The following SVOPL variants were observed in gnomAD, a reference collection of about 807,000 sequenced individuals.
The protein encoded by SVOPL is putative transporter SVOPL.
In SVOPL, 60 loss-of-function variants were observed where a neutral mutation model predicts 61.0. The ratio of observed to expected loss-of-function variants is 0.98; its 90% CI spans 0.80 to 1.22. SVOPL has a LOEUF of 1.22. Among genes scored for constraint, SVOPL ranks in the 50% most tolerant of loss-of-function variants. The pLI is 0.00. For missense variants in SVOPL, 662 were observed against 643.9 expected (o/e 1.03, Z -0.30); for synonymous variants, 279 against 250.0 (o/e 1.12, Z -1.09).
rs916917590 is a variant in SVOPL at position 138,642,686 on chromosome 7, G to A, written c.789+2031C>T. Among the ~76,000 whole-genome samples the A allele has an allele frequency of 1.3e-4, 20 of 151,586 alleles. 1 individual carries two copies. Among genetic ancestry groups the A allele is most frequent in the Admixed American group, 2.6e-4 (4 of 15,190 alleles). ...CTACAAAAAACACAAAAAATTAGCC[G>A]GGTGTTGGTGGCTCGCACTGATAGT... On this transcript the variant is annotated intron_variant, in intron 9 of 15. Coordinates refer to ENST00000674285, the MANE Select transcript of SVOPL (RefSeq NM_001139456.2).
intron 14 of SVOPL, among the ~76,000 whole-genome samples, chr7:138,612,821 G>A (rs1206368884): frequency 1.3e-5 from 2 of 150,514 alleles, no homozygotes; most frequent in Non-Finnish European, 3.0e-5. Flanking sequence ...GGCCAGAAAT[G>A]TAAATTTTTT....
rs139751592 is a variant in SVOPL, at chr7:138,621,247, C to T, written c.1264-112G>A. 55 of 736,326 alleles carry T rather than the reference C, an allele frequency of 7.5e-5. No individual in the cohort carries two copies. In the African/African-American group the frequency reaches 8.8e-4, roughly 12 times the overall value. 45.6% of individuals were successfully genotyped at this position (736,326 alleles called of 1,614,324 possible). A position where few individuals can be genotyped will look rare whatever the true frequency, so the allele number is the denominator to read the frequency against. On this transcript the variant is annotated intron_variant, in intron 13 of 15. Transcript: ENST00000674285. ...TTTGGAATGCATAGAGCACCAAACACAGTTACAGAATATGGAATAGAAGGT... is the reference window on the plus strand; with the variant it reads ...TTTGGAATGCATAGAGCACCAAACATAGTTACAGAATATGGAATAGAAGGT...
chr7:138,633,157 T>C (rs982356645), intron 9 of SVOPL, among the ~76,000 whole-genome samples: 1 of 152,172 alleles, frequency 6.6e-6, no homozygotes, highest in African/African-American at 2.4e-5. Context: ...TCCAAACCCA[T>C]GAGAGTGTAT....
chr7:138,615,560 CAA>C (rs770404185), intron 14 of SVOPL, among the ~76,000 whole-genome samples: 4 of 5,542 alleles, frequency 7.2e-4, no homozygotes, highest in African/African-American at 1.3e-3. Flanking sequence ...ACTCCGTCTC[CAA>C]AAAAAAAAAA....
intron 6 of SVOPL, 75 bp downstream of exon 6, chr7:138,659,789 A>C: frequency 7.1e-7 from 1 of 1,400,132 alleles, no homozygotes; most frequent in South Asian, 1.3e-5. Flanking sequence ...TTGGTCTATT[A>C]AGCGCAGTGT....
chr7:138,634,949 G>A (rs1472018281), intron 9 of SVOPL, among the ~76,000 whole-genome samples: 7 of 152,110 alleles, frequency 4.6e-5, no homozygotes, highest in Non-Finnish European at 1.0e-4. Context: ...GGGTGACAGA[G>A]CGAGAACCTG....
intron 3 of SVOPL, among the ~76,000 whole-genome samples, chr7:138,677,252 G>A (rs949708413): frequency 1.3e-5 from 2 of 152,070 alleles, no homozygotes; most frequent in Non-Finnish European, 2.9e-5. Flanking sequence ...AGAGCCCAGA[G>A]CCTGAGGTCA....
intron 9 of SVOPL, among the ~76,000 whole-genome samples, chr7:138,635,484 T>TG (rs1471477139): frequency 6.6e-6 from 1 of 151,798 alleles, no homozygotes; most frequent in African/African-American, 2.4e-5. Flanking sequence ...GCAACCCTCC[T>TG]GCCCCAGCCT....
intron 9 of SVOPL, among the ~76,000 whole-genome samples, chr7:138,637,256 C>T (rs570806517): frequency 1.3e-5 from 2 of 151,760 alleles, no homozygotes; most frequent in African/African-American, 4.8e-5. Flanking sequence ...GGTGAAACCC[C>T]AACTCTACTA....
At chr7:138,596,846 C>G (rs574746678) in intron 14 of SVOPL, 12 of 1,105,078 alleles carry the variant, frequency 1.1e-5, no homozygotes, top group African/African-American at 6.6e-5. Flanking sequence ...TTCCCCACCC[C>G]CTTTCTCATA....
rs749033029 is a variant in SVOPL, at chr7:138,678,534, G to A, written c.83-9C>T. ...GGTGAACGTCTTTGGCTCTAACAAC[G>A]AAAGACAAAGTGGAAAAAATTGCTT... On this transcript the variant is annotated splice_polypyrimidine_tract_variant and intron_variant, in intron 2 of 15. Transcript: ENST00000674285. The A allele has an allele frequency of 9.7e-6, 15 of 1,551,488 alleles. No homozygotes were observed. Among genetic ancestry groups the A allele is most frequent in the East Asian group, 7.3e-5 (3 of 40,924 alleles).
intron 9 of SVOPL, among the ~76,000 whole-genome samples, chr7:138,643,172 A>G (rs539557290): frequency 3.9e-4 from 59 of 152,028 alleles, no homozygotes; most frequent in Non-Finnish European, 7.5e-4. Flanking sequence ...CACGCCTGTA[A>G]TCCCAGCACT....
chr7:138,631,695 A>C (rs553033902), intron 9 of SVOPL, among the ~76,000 whole-genome samples: 17 of 152,200 alleles, frequency 1.1e-4, no homozygotes, highest in East Asian at 3.9e-4. Context: ...CGGCTTCCCG[A>C]GTAGCTGGGA....
intron 8 of SVOPL, among the ~76,000 whole-genome samples, chr7:138,648,505 C>T (rs1023336868): frequency 2.3e-5 from 3 of 130,092 alleles, no homozygotes; most frequent in Non-Finnish European, 3.1e-5. Context: ...ATCGAGACCA[C>T]GGTGAAACAC....
At position 138,596,482 on chromosome 7, in the gene SVOPL, CAGATG is replaced by C. The variant is rs761966983; in HGVS notation, c.1397_1401del (p.Ser466CysfsTer25). 9.3e-6 allele frequency: 15 copies of C among 1,613,950 alleles called. No homozygotes were observed. Among genetic ancestry groups the C allele is most frequent in the African/African-American group, 1.3e-5 (1 of 75,024 alleles). ...GCAGAAATGGCGCATACAACACAGA[CAGATG>C]AGAAGAGACACAGGGCCCCCAGTAT... On this transcript the variant is annotated frameshift_variant, in exon 15 of 16. Coordinates refer to ENST00000674285, the MANE Select transcript of SVOPL (RefSeq NM_001139456.2). LOFTEE classifies it high-confidence loss of function.
At position 138,598,054 on chromosome 7, in the gene SVOPL, C is replaced by T. The variant is rs548667369; in HGVS notation, c.1354-1524G>A. ...TGGGTATTTTTCCAATAAATTCTAC[C>T]TAAGTTTACTAAAGTCAGTTTCTGT... On this transcript the variant is annotated intron_variant, in intron 14 of 15. Transcript: ENST00000674285. Among the ~76,000 whole-genome samples, 138 of 152,216 alleles carry T rather than the reference C, an allele frequency of 9.1e-4. 5 individuals are homozygous for T. In the South Asian group the frequency reaches 0.028, roughly 31 times the overall value.
chr7:138,596,950 CA>C, intron 14 of SVOPL: 1 of 1,117,838 alleles, frequency 8.9e-7, no homozygotes, highest in Non-Finnish European at 1.1e-6. Context: ...CAGCATGAAA[CA>C]GGTGAAAGTT....
At chr7:138,645,636 A>T (rs1029777902) in intron 8 of SVOPL, 1 of 153,114 alleles carries the variant, frequency 6.5e-6, no homozygotes. Flanking sequence ...AATCCCTTTA[A>T]AACAGTCCAG....
At chr7:138,660,857 T>C (rs1393962405) in intron 5 of SVOPL, 4 of 985,084 alleles carry the variant, frequency 4.1e-6, no homozygotes, top group Non-Finnish European at 4.8e-6. Flanking sequence ...AGGGTGTCTA[T>C]ATACTTGCAA....
Sources: allele counts gnomAD v4.1 joint callset (sites outside exome capture counted in the v4.1 genomes callset), GRCh38; gene constraint gnomAD v4.1.1; transcripts MANE v1.5; gene names NCBI Gene and HGNC (gene_info 2026-07-23, HGNC 2026-07-21).